The following CELF2 variants were observed in gnomAD, a reference collection of about 807,000 sequenced individuals.
CELF2 encodes the protein CUG triplet repeat RNA-binding protein 2.
In CELF2, 8 loss-of-function variants were observed where a neutral mutation model predicts 62.6. That is an observed-to-expected ratio of 0.13 (90% CI 0.07 to 0.23). The LOEUF is 0.23. Ranked by LOEUF, CELF2 falls within the 10% of genes least tolerant of loss-of-function variation. The pLI is 1.00. For synonymous variants in CELF2, 258 were observed against 250.0 expected (o/e 1.03, Z -0.30); for missense variants, 333 against 671.0 (o/e 0.50, Z 5.56).
In CELF2 at chr10:11,257,724, T is replaced by C. The variant is rs546504883; in HGVS notation, c.404-14T>C. ...TGAAATGGCCTTTGCTCATTCGTTA[T>C]TTTTATCTCCTAGCTGTGGAAGACA... On this transcript the variant is annotated splice_polypyrimidine_tract_variant and intron_variant, in intron 4 of 12. Coordinates refer to ENST00000633077, the MANE Select transcript of CELF2 (RefSeq NM_001326342.2). 5.0e-6 allele frequency: 8 copies of C among 1,611,784 alleles called. No homozygotes were observed. The South Asian group carries it at 7.7e-5, about 15-fold the overall frequency.
At chr10:10,768,313 C>G in the CELF2 span, among the ~76,000 whole-genome samples, 1 of 152,072 alleles carries the variant, frequency 6.6e-6, no homozygotes, top group African/African-American at 2.4e-5. Flanking sequence ...GCATCACAAG[C>G]AAAGCCCTGC....
At chr10:11,015,205 A>AT (rs773881073), upstream of CELF2, among the ~76,000 whole-genome samples, 33 of 152,010 alleles carry the variant, frequency 2.2e-4, no homozygotes, top group South Asian at 1.7e-3. This position sits in a 1 kb window ranked among gnomAD's most constrained non-coding sequence, Gnocchi z 4.8. Context: ...TTGTTTTTAG[A>AT]TTTTTTTTCT....
chr10:10,863,648 A>T (rs1226201530), intron 1 of CELF2, among the ~76,000 whole-genome samples: 1 of 152,158 alleles, frequency 6.6e-6, no homozygotes, highest in African/African-American at 2.4e-5. Context: ...TTACTTTTGC[A>T]CCAACCTAAT....
intron 1 of CELF2, among the ~76,000 whole-genome samples, chr10:10,886,979 G>A (rs2061792688): frequency 6.6e-6 from 1 of 152,220 alleles, no homozygotes; most frequent in Non-Finnish European, 1.5e-5. Context: ...GAGGGAGACA[G>A]ATTTTTGCCT....
the CELF2 span, among the ~76,000 whole-genome samples, chr10:10,763,308 C>T: frequency 6.6e-6 from 1 of 152,200 alleles, no homozygotes; most frequent in Non-Finnish European, 1.5e-5. Context: ...CCACTCACTG[C>T]ACATGAGAGC....
intron 1 of CELF2, among the ~76,000 whole-genome samples, chr10:10,801,536 A>G (rs1252960646): frequency 6.6e-6 from 1 of 152,184 alleles, no homozygotes; most frequent in African/African-American, 2.4e-5. Flanking sequence ...GGTTGTTAGC[A>G]GGGTTGTCTG....
At position 11,227,842 on chromosome 10, in the gene CELF2, C is replaced by T. The variant is rs1565422169; in HGVS notation, c.354+10335C>T. On this transcript the variant is annotated intron_variant, in intron 3 of 12. Coordinates refer to ENST00000633077, the MANE Select transcript of CELF2 (RefSeq NM_001326342.2). This position sits in a 1 kb window ranked among gnomAD's most constrained non-coding sequence, Gnocchi z 4.8. ...AAAGGATAGGCTCCTGCAAACTCAT[C>T]TCCTCTCCTGGAGGCTTAACTGAGT... 6.6e-6 allele frequency among the ~76,000 whole-genome samples: 1 copy of T among 152,152 alleles called. No homozygotes were observed. Among genetic ancestry groups the T allele is most frequent in the South Asian group, 2.1e-4 (1 of 4,824 alleles).
At chr10:10,708,338 T>C in the CELF2 span, among the ~76,000 whole-genome samples, 1 of 152,188 alleles carries the variant, frequency 6.6e-6, no homozygotes, top group East Asian at 1.9e-4. Context: ...ATGGCTTCCC[T>C]GTAGTTCATG....
Position 11,270,951 on chromosome 10 carries a change from ATT to A in CELF2, c.777+129_777+130del. The A allele has an allele frequency of 1.1e-6, 1 of 898,508 alleles. No individual in the cohort carries two copies. Among genetic ancestry groups the A allele is most frequent in the Non-Finnish European group, 1.5e-6 (1 of 658,544 alleles). 55.7% of individuals were successfully genotyped at this position (898,508 alleles called of 1,614,324 possible). On this transcript the variant is annotated intron_variant, in intron 7 of 12. Coordinates refer to ENST00000633077, the MANE Select transcript of CELF2 (RefSeq NM_001326342.2). This position sits in a 1 kb window ranked among gnomAD's most constrained non-coding sequence, Gnocchi z 5.8. ...ATCTCGGGGAATTATTGAAATCAGC[ATT>A]TATGCAGGATATTTTTCCAAGTTAG...
At chr10:11,148,679 A>T (rs1316178622) in intron 1 of CELF2, among the ~76,000 whole-genome samples, 5 of 152,166 alleles carry the variant, frequency 3.3e-5, no homozygotes, top group Non-Finnish European at 7.4e-5. Flanking sequence ...TAGTTTTAAT[A>T]ATGTATGCTT....
At chr10:10,774,483 C>T in the CELF2 span, among the ~76,000 whole-genome samples, 2 of 152,264 alleles carry the variant, frequency 1.3e-5, no homozygotes, top group Non-Finnish European at 2.9e-5. Context: ...GCTTTGGTGC[C>T]GTTCTCATGA....
chr10:11,021,814 A>G (rs1419923769), intron 1 of CELF2, among the ~76,000 whole-genome samples: 1 of 152,230 alleles, frequency 6.6e-6, no homozygotes, highest in Non-Finnish European at 1.5e-5. Flanking sequence ...GATATGACAT[A>G]CCCTTTTATC....
chr10:10,806,025 A>G (rs1407502581), intron 1 of CELF2, among the ~76,000 whole-genome samples: 2 of 152,130 alleles, frequency 1.3e-5, no homozygotes, highest in Non-Finnish European at 1.5e-5. Flanking sequence ...GTCAGTTGAG[A>G]AGATCTCTGG....
chr10:10,496,801 G>T, the CELF2 span, among the ~76,000 whole-genome samples: 11,666 of 152,164 alleles, frequency 0.077, 539 homozygotes, highest in East Asian at 0.13. Context: ...AAACCCATGA[G>T]AAGTTTGGGG....
intron 1 of CELF2, among the ~76,000 whole-genome samples, chr10:11,118,150 G>A (rs1010110724): frequency 1.3e-5 from 2 of 152,106 alleles, no homozygotes; most frequent in African/African-American, 4.8e-5. Context: ...TTTGCACAGT[G>A]AAGGTAATAT....
At chr10:10,926,418 G>A (rs989571265) in intron 2 of CELF2, among the ~76,000 whole-genome samples, 1 of 152,130 alleles carries the variant, frequency 6.6e-6, no homozygotes, top group Non-Finnish European at 1.5e-5. Flanking sequence ...AGGCTCACAC[G>A]GATGTTGGTG....
chr10:10,539,149 C>G, the CELF2 span, among the ~76,000 whole-genome samples: 1 of 152,164 alleles, frequency 6.6e-6, no homozygotes, highest in Non-Finnish European at 1.5e-5. Context: ...GAGTACAGAT[C>G]TTAAGAGTTA....
At chr10:11,226,711 T>C (rs1180315139) in intron 3 of CELF2, among the ~76,000 whole-genome samples, 1 of 151,904 alleles carries the variant, frequency 6.6e-6, no homozygotes, top group Non-Finnish European at 1.5e-5. Flanking sequence ...TGGGAAGCCA[T>C]GTTCCCTTGC....
chr10:10,604,413 C>A, the CELF2 span, among the ~76,000 whole-genome samples: 2 of 152,126 alleles, frequency 1.3e-5, no homozygotes, highest in South Asian at 4.1e-4. Flanking sequence ...GTTTTATCTC[C>A]TGGAGAAAGA....
Sources: gnomAD v4.1 joint callset for allele counts (sites outside exome capture counted in the v4.1 genomes callset) on GRCh38, gnomAD v4.1.1 for gene constraint, Gnocchi (gnomAD v3.1) non-coding constraint, MANE v1.5 for transcripts, NCBI Gene and HGNC (gene_info 2026-07-23, HGNC 2026-07-21) for gene names.